Variants in FBXO36 observed in about 807,000 individuals in gnomAD.
FBXO36 encodes F-box only protein 36.
Under a neutral mutation model 17.0 loss-of-function variants are expected in FBXO36, and 18 were observed. The ratio of observed to expected loss-of-function variants is 1.06; its 90% CI spans 0.73 to 1.57. The LOEUF is 1.57. FBXO36 is among the 40% of genes most tolerant of loss of function. FBXO36 has a pLI of 0.00. For synonymous variants in FBXO36, 83 were observed against 85.3 expected (o/e 0.97, Z 0.15); for missense variants, 229 against 221.9 (o/e 1.03, Z -0.20).
chr2:229,938,848 C>T (rs532212686), intron 1 of FBXO36, among the ~76,000 whole-genome samples: 4 of 142,004 alleles, frequency 2.8e-5, no homozygotes, highest in East Asian at 2.1e-4. Context: ...CAACCTCTGC[C>T]TCCTGGGTTC....
chr2:229,977,510 G>A (rs1162546344), intron 2 of FBXO36, among the ~76,000 whole-genome samples: 1 of 152,058 alleles, frequency 6.6e-6, no homozygotes, highest in Non-Finnish European at 1.5e-5. Flanking sequence ...GAATGCAGTG[G>A]CATGATTTCA....
intron 1 of FBXO36, among the ~76,000 whole-genome samples, chr2:229,955,322 T>G (rs1420496551): frequency 1.3e-5 from 2 of 152,082 alleles, no homozygotes; most frequent in African/African-American, 4.8e-5. Flanking sequence ...GTGGGCAGAT[T>G]GTTTGAGCCT....
In FBXO36 at chr2:230,012,702, C is replaced by T. The variant is rs1004569850; in HGVS notation, c.*1818C>T. The T allele has an allele frequency of 5.9e-5, 9 of 151,764 alleles. No individual in the cohort carries two copies. Among genetic ancestry groups the T allele is most frequent in the Admixed American group, 2.0e-4 (3 of 15,244 alleles). 9.4% of individuals were successfully genotyped at this position (151,764 alleles called of 1,614,324 possible). A position where few individuals can be genotyped will look rare whatever the true frequency, so the allele number is the denominator to read the frequency against. ...CATGGCCTAATTTTCAATGACAGAACGTAGGTTTTATCGTGAGGATGCAGA... is the reference window on the plus strand; with the variant it reads ...CATGGCCTAATTTTCAATGACAGAATGTAGGTTTTATCGTGAGGATGCAGA... On this transcript the variant is annotated 3_prime_UTR_variant, in exon 4 of 4. Coordinates refer to ENST00000283946, the MANE Select transcript of FBXO36 (RefSeq NM_174899.5).
chr2:229,963,735 C>T (rs1247501563), intron 1 of FBXO36, among the ~76,000 whole-genome samples: 6 of 152,200 alleles, frequency 3.9e-5, no homozygotes, highest in African/African-American at 9.6e-5. Flanking sequence ...TGAGCCACCG[C>T]GCCCAGCCTA....
chr2:229,936,032 A>G (rs1370378377), intron 1 of FBXO36, among the ~76,000 whole-genome samples: 6 of 152,166 alleles, frequency 3.9e-5, no homozygotes, highest in Non-Finnish European at 7.4e-5. Flanking sequence ...TACTAAAAAT[A>G]CAAAAATTAG....
At chr2:229,931,111 C>T (rs2076936575) in intron 1 of FBXO36, among the ~76,000 whole-genome samples, 1 of 152,064 alleles carries the variant, frequency 6.6e-6, no homozygotes, top group Admixed American at 6.6e-5. Context: ...TTTTAAGTGG[C>T]ATATGGCACT....
chr2:230,003,403 A>T (rs2077370456), intron 3 of FBXO36, among the ~76,000 whole-genome samples: 1 of 152,000 alleles, frequency 6.6e-6, no homozygotes, highest in Non-Finnish European at 1.5e-5. Flanking sequence ...AAATTCTGAG[A>T]GGTGTTAGTC....
intron 1 of FBXO36, among the ~76,000 whole-genome samples, chr2:229,939,776 C>G (rs935121302): frequency 1.3e-5 from 2 of 152,156 alleles, no homozygotes; most frequent in East Asian, 3.9e-4. Context: ...AGCAGCTCCT[C>G]GAGACCCTAT....
At chr2:229,932,484 C>T (rs1294226174) in intron 1 of FBXO36, among the ~76,000 whole-genome samples, 1 of 151,998 alleles carries the variant, frequency 6.6e-6, no homozygotes, top group Non-Finnish European at 1.5e-5. Flanking sequence ...CACGCCATTG[C>T]ACTCCAGCCT....
intron 1 of FBXO36, among the ~76,000 whole-genome samples, chr2:229,949,586 T>TAC (rs2077045957): frequency 6.6e-6 from 1 of 151,740 alleles, no homozygotes; most frequent in Admixed American, 6.6e-5. Context: ...TGTAAGTATA[T>TAC]AGATGCTGAG....
At position 229,927,692 on chromosome 2, in the gene FBXO36, ATC is replaced by A. The variant is rs140896699; in HGVS notation, c.96+5087_96+5088del. 6.2e-3 allele frequency among the ~76,000 whole-genome samples: 944 copies of A among 151,842 alleles called. 10 individuals are homozygous for A. Among genetic ancestry groups the A allele is most frequent in the African/African-American group, 0.021 (871 of 41,356 alleles). On this transcript the variant is annotated intron_variant, in intron 1 of 3. Transcript: ENST00000283946. Reference sequence around the variant, plus strand: ...TTGGGCAATAGATTCGTCTTGTTTTATCTCTTTTTCTAAATCCTATCCAAAGC... The same window carrying A: ...TTGGGCAATAGATTCGTCTTGTTTTATCTTTTTCTAAATCCTATCCAAAGC...
At chr2:229,957,974 A>G (rs1014790250) in intron 1 of FBXO36, among the ~76,000 whole-genome samples, 5 of 152,172 alleles carry the variant, frequency 3.3e-5, no homozygotes, top group Non-Finnish European at 5.9e-5. Flanking sequence ...TTGAAGAAGC[A>G]GCTTGTAGGC....
chr2:229,986,269 G>A lies in FBXO36; in HGVS notation c.205+9920G>A, dbSNP rs1377105084. The stretch of plus-strand genomic sequence containing the variant: ...AATCTGAGGACTTTGGGAGGCCGAG[G>A]CTGGAGGATCACTTGAGCCCAAGCA... On this transcript the variant is annotated intron_variant, in intron 2 of 3. Coordinates refer to ENST00000283946, the MANE Select transcript of FBXO36 (RefSeq NM_174899.5). Among the ~76,000 whole-genome samples, 4 of 152,130 alleles carry A rather than the reference G, an allele frequency of 2.6e-5. No individual in the cohort carries two copies. In the East Asian group the frequency reaches 5.8e-4, roughly 22 times the overall value.
At chr2:229,976,639 T>G (rs562930833) in intron 2 of FBXO36, 27 of 238,148 alleles carry the variant, frequency 1.1e-4, no homozygotes, top group Non-Finnish European at 1.7e-4. Flanking sequence ...GCCAAGATGG[T>G]GAAACCCTGT....
intron 2 of FBXO36, among the ~76,000 whole-genome samples, chr2:229,995,182 A>G (rs914420384): frequency 1.3e-5 from 2 of 152,182 alleles, no homozygotes; most frequent in Non-Finnish European, 2.9e-5. Flanking sequence ...GGTTTATTGT[A>G]CAAAGATCAG....
intron 2 of FBXO36, among the ~76,000 whole-genome samples, chr2:229,985,134 C>T (rs528621982): frequency 6.6e-6 from 1 of 152,172 alleles, no homozygotes; most frequent in Admixed American, 6.5e-5. Flanking sequence ...ATAATTATGC[C>T]AACTTTATAA....
At chr2:230,004,840 C>G (rs2077378444) in intron 3 of FBXO36, among the ~76,000 whole-genome samples, 1 of 152,124 alleles carries the variant, frequency 6.6e-6, no homozygotes. Context: ...AACCTCGTCT[C>G]TACTAAAAAT....
chr2:229,996,606 G>A, intron 2 of FBXO36, 145 bp from the exon 3 acceptor site: 2 of 848,596 alleles, frequency 2.4e-6, no homozygotes, highest in South Asian at 1.9e-5. Flanking sequence ...AGTCCCAAAG[G>A]CAGCTCGGTG....
intron 1 of FBXO36, among the ~76,000 whole-genome samples, chr2:229,950,223 C>T (rs1179350120): frequency 3.9e-5 from 6 of 151,966 alleles, no homozygotes; most frequent in Non-Finnish European, 7.4e-5. Flanking sequence ...GTCAGGGGTT[C>T]GAGACCAGCC....
Sources: allele counts gnomAD v4.1 joint callset (sites outside exome capture counted in the v4.1 genomes callset), GRCh38; gene constraint gnomAD v4.1.1; transcripts MANE v1.5; gene names NCBI Gene and HGNC (gene_info 2026-07-23, HGNC 2026-07-21).